CGNL1: variants seen among roughly 807,000 people sequenced by gnomAD.
The protein encoded by CGNL1 is cingulin-like protein 1.
Under a neutral mutation model 141.2 loss-of-function variants are expected in CGNL1, and 132 were observed. The observed-to-expected ratio is 0.93, with a 90% CI of 0.81 to 1.08. CGNL1 has a LOEUF of 1.08. Among genes scored for constraint, CGNL1 ranks in the 50% least tolerant of loss-of-function variants. The probability of loss-of-function intolerance (pLI) is 0.00; values close to 1 mark genes in which losing one functional copy is unlikely to be tolerated. For synonymous variants in CGNL1, 690 were observed against 622.1 expected (o/e 1.11, Z -1.63); for missense variants, 1,870 against 1,588.6 (o/e 1.18, Z -3.01).
At chr15:57,442,182 G>GAAAAAAAAACAAAAA in intron 3 of CGNL1, among the ~76,000 whole-genome samples, 191 bp from the exon 4 acceptor site, 1 of 96,528 alleles carries the variant, frequency 1.0e-5, no homozygotes, top group Non-Finnish European at 2.0e-5. Context: ...TCATTTATTT[G>GAAAAAAAAACAAAAA]AAAAAAAAAA....
chr15:57,474,775 T>C (rs2063630133), intron 8 of CGNL1, among the ~76,000 whole-genome samples: 2 of 152,160 alleles, frequency 1.3e-5, no homozygotes, highest in African/African-American at 4.8e-5. Context: ...TAGTCAATAG[T>C]GGTTACTTCT....
At chr15:57,486,377 A>AG (rs2152370140) in intron 8 of CGNL1, among the ~76,000 whole-genome samples, 1 of 151,866 alleles carries the variant, frequency 6.6e-6, no homozygotes, top group Admixed American at 6.5e-5. Context: ...GGAAAGGAAG[A>AG]GGGGGTCAAA....
At chr15:57,519,585 C>T (rs2031101647) in intron 10 of CGNL1, among the ~76,000 whole-genome samples, 1 of 152,204 alleles carries the variant, frequency 6.6e-6, no homozygotes, top group African/African-American at 2.4e-5. Flanking sequence ...CAATGTCTGA[C>T]TGCCTTCACT....
chr15:57,537,979 C>T (rs1482399034), intron 14 of CGNL1, among the ~76,000 whole-genome samples: 8 of 152,196 alleles, frequency 5.3e-5, no homozygotes, highest in African/African-American at 1.9e-4. Flanking sequence ...GAGGCTGGCT[C>T]AGCCAAGCCA....
chr15:57,543,789 G>T lies in CGNL1; in HGVS notation c.3375+10G>T. The T allele has an allele frequency of 6.2e-7, 1 of 1,609,288 alleles. No individual in the cohort carries two copies. The highest frequency in any genetic ancestry group is 1.1e-5 in the South Asian group (1 of 90,944). On this transcript the variant is annotated intron_variant, in intron 15 of 18. Transcript: ENST00000281282. ...TTCCCTGGAGAGGCAGGTGAGGGCA[G>T]CCAGCCTGTGAGCTGCCCCCCCGTC...
chr15:57,389,720 C>A (rs2062521378), intron 1 of CGNL1, among the ~76,000 whole-genome samples: 3 of 152,178 alleles, frequency 2.0e-5, no homozygotes, highest in Admixed American at 1.3e-4. Flanking sequence ...TCATTATGTG[C>A]CAGGCAAACT....
intron 17 of CGNL1, 61 bp downstream of exon 17, chr15:57,545,761 C>A: frequency 7.4e-7 from 1 of 1,359,708 alleles, no homozygotes; most frequent in South Asian, 1.2e-5. Flanking sequence ...GCTGAGGGAG[C>A]AAGGGAGGCA....
Position 57,391,137 on chromosome 15 carries a change from C to T in CGNL1, c.-16+14570C>T, listed in dbSNP as rs1029580471. ...CAGCTCAAAAATGGCAGATGAGAGC[C>T]AGGCCACCCTGTTCCCAGTCTAGGG... On this transcript the variant is annotated intron_variant, in intron 1 of 18. Coordinates refer to ENST00000281282, the MANE Select transcript of CGNL1 (RefSeq NM_032866.5). Among the ~76,000 whole-genome samples the T allele has an allele frequency of 5.9e-5, 9 of 152,246 alleles. No homozygotes were observed. In the South Asian group the frequency reaches 1.7e-3, roughly 28 times the overall value.
rs142338454 is a variant in CGNL1 at position 57,413,206 on chromosome 15, T to C, written c.-15-24779T>C. ...CTTTCTCTCTTTCTCTTTCTCTCTT[T>C]CTCTCTTCCTCTCTTCCTCCCTCCC... On this transcript the variant is annotated intron_variant, in intron 1 of 18. Transcript: ENST00000281282. 6.5e-3 allele frequency among the ~76,000 whole-genome samples: 828 copies of C among 128,328 alleles called. 13 individuals carry two copies. The highest frequency in any genetic ancestry group is 0.032 in the Admixed American group (386 of 11,940). The allele number at this position is 128,328 out of a possible 152,430, so 84.2% of individuals were successfully genotyped here.
intron 1 of CGNL1, among the ~76,000 whole-genome samples, chr15:57,406,262 T>G (rs11071312): frequency 0.26 from 38,938 of 151,950 alleles, 5,133 homozygotes; most frequent in Middle Eastern, 0.29. Context: ...GGAAGGGCAC[T>G]GTGAAGAGGG....
intron 8 of CGNL1, among the ~76,000 whole-genome samples, chr15:57,472,583 C>T (rs762952172): frequency 6.6e-6 from 1 of 152,070 alleles, no homozygotes; most frequent in African/African-American, 2.4e-5. Context: ...GATGGAGGCA[C>T]GGGATCTTTG....
chr15:57,545,482 T>G, intron 16 of CGNL1, 110 bp from the exon 17 acceptor site: 2 of 882,788 alleles, frequency 2.3e-6, no homozygotes, highest in East Asian at 2.7e-5. Context: ...CCCTAAGCCT[T>G]GAGCTGACCA....
intron 2 of CGNL1, 139 bp downstream of exon 2, chr15:57,439,740 G>C (rs2063161510): frequency 2.2e-6 from 2 of 915,098 alleles, no homozygotes; most frequent in African/African-American, 3.4e-5. Flanking sequence ...TCTGTTTCAG[G>C]ATCCAGTTGT....
chr15:57,387,223 T>G (rs2062493696), intron 1 of CGNL1, among the ~76,000 whole-genome samples: 1 of 152,220 alleles, frequency 6.6e-6, no homozygotes, highest in Non-Finnish European at 1.5e-5. Context: ...CTTCTTTCAC[T>G]TAGCATAATG....
chr15:57,390,015 C>T (rs2062524995), intron 1 of CGNL1, among the ~76,000 whole-genome samples: 2 of 152,220 alleles, frequency 1.3e-5, no homozygotes, highest in South Asian at 4.1e-4. Context: ...AGGGTTTTGC[C>T]ATGTTGGCCG....
chr15:57,451,654 A>G, intron 5 of CGNL1, 53 bp downstream of exon 5: 1 of 1,372,374 alleles, frequency 7.3e-7, no homozygotes, highest in South Asian at 1.3e-5. Flanking sequence ...TGGTTGATAA[A>G]GAATATTTTA....
chr15:57,520,645 G>A (rs571543753), intron 10 of CGNL1, among the ~76,000 whole-genome samples: 1 of 152,280 alleles, frequency 6.6e-6, no homozygotes, highest in South Asian at 2.1e-4. Flanking sequence ...CTGCAGATGG[G>A]GAAGTAAAGA....
At chr15:57,471,814 T>G (rs2063585492) in intron 8 of CGNL1, among the ~76,000 whole-genome samples, 1 of 152,248 alleles carries the variant, frequency 6.6e-6, no homozygotes, top group South Asian at 2.1e-4. Context: ...ATCCAATAAA[T>G]AGTTCATTTA....
At chr15:57,440,272 G>A in intron 2 of CGNL1, 105 bp from the exon 3 acceptor site, 1 of 784,032 alleles carries the variant, frequency 1.3e-6, no homozygotes, top group East Asian at 2.7e-5. Context: ...GCTGGTAAAT[G>A]TTGTAACTGG....
Sources: allele counts gnomAD v4.1 joint callset (sites outside exome capture counted in the v4.1 genomes callset), GRCh38; gene constraint gnomAD v4.1.1; transcripts MANE v1.5; gene names NCBI Gene and HGNC (gene_info 2026-07-23, HGNC 2026-07-21).